The following GPHN variants were observed in gnomAD, a reference collection of about 807,000 sequenced individuals.
GPHN encodes the protein gephyrin.
A neutral mutation model predicts 95.5 loss-of-function variants in GPHN; 17 were observed. The observed-to-expected ratio is 0.18, with a 90% CI of 0.12 to 0.27. GPHN has a LOEUF of 0.27. Ranked by LOEUF, GPHN falls within the 10% of genes least tolerant of loss-of-function variation. The pLI is 1.00. For synonymous variants in GPHN, 320 were observed against 322.5 expected, an observed-to-expected ratio of 0.99 and a Z score of 0.08; for missense variants, 660 against 978.1, an observed-to-expected ratio of 0.67 and a Z score of 4.34.
chr14:67,380,969 T>C, the GPHN span, among the ~76,000 whole-genome samples: 1,627 of 152,292 alleles, frequency 0.011, 25 homozygotes, highest in African/African-American at 0.036. Flanking sequence ...AACAGTCTTG[T>C]GAGTTCAGCT....
At chr14:67,199,792 A>C in the GPHN span, 1 of 1,520,402 alleles carries the variant, frequency 6.6e-7, no homozygotes, top group South Asian at 1.3e-5. Flanking sequence ...GCTCCTTCCC[A>C]CCCCCAGTGC....
chr14:67,697,540 T>G, the GPHN span, among the ~76,000 whole-genome samples: 6 of 152,162 alleles, frequency 3.9e-5, no homozygotes, highest in Non-Finnish European at 8.8e-5. Context: ...ATGATTTATA[T>G]ATATATATTA....
At chr14:67,549,388 A>T in the GPHN span, among the ~76,000 whole-genome samples, 3 of 151,768 alleles carry the variant, frequency 2.0e-5, no homozygotes, top group Non-Finnish European at 4.4e-5. Context: ...CTCCTGCCTC[A>T]GCCTCCCGAG....
the GPHN span, among the ~76,000 whole-genome samples, chr14:67,623,960 C>A: frequency 6.6e-6 from 1 of 152,174 alleles, no homozygotes; most frequent in Non-Finnish European, 1.5e-5. Flanking sequence ...CCCACTTTAG[C>A]CTCTTGAGTA....
At chr14:66,679,621 C>G (rs1275765746) in intron 1 of GPHN, among the ~76,000 whole-genome samples, 1 of 152,076 alleles carries the variant, frequency 6.6e-6, no homozygotes, top group Non-Finnish European at 1.5e-5. Context: ...ATGCTCTGTT[C>G]ATTTCATTTC....
intron 3 of GPHN, among the ~76,000 whole-genome samples, chr14:66,806,512 AACTTTTAC>A (rs1379571754): frequency 2.6e-5 from 4 of 152,154 alleles, no homozygotes; most frequent in African/African-American, 7.2e-5. Flanking sequence ...AAATTTTCCA[AACTTTTAC>A]ACTCTGCTTC....
intron 1 of GPHN, among the ~76,000 whole-genome samples, chr14:66,586,749 C>T (rs986915456): frequency 5.9e-5 from 9 of 151,598 alleles, no homozygotes; most frequent in East Asian, 5.8e-4. Context: ...GTTTCTGCAA[C>T]GAAAGCATTT....
At chr14:67,037,130 C>CGT (rs1049362336) in intron 10 of GPHN, among the ~76,000 whole-genome samples, 123 of 152,064 alleles carry the variant, frequency 8.1e-4, no homozygotes, top group Admixed American at 1.3e-3. Context: ...AATACATGTT[C>CGT]GTGTATATGG....
the GPHN span, chr14:67,621,008 T>G: frequency 3.8e-6 from 6 of 1,576,222 alleles, no homozygotes; most frequent in East Asian, 1.3e-4. Flanking sequence ...GGACTAGTAA[T>G]AGACCACTTC....
chr14:66,864,499 G>A (rs964844739), intron 4 of GPHN, among the ~76,000 whole-genome samples: 1 of 152,024 alleles, frequency 6.6e-6, no homozygotes, highest in Non-Finnish European at 1.5e-5. Flanking sequence ...AAGGCCAGGT[G>A]CGGTGGCTCA....
At chr14:66,664,491 A>G (rs1227516413) in intron 1 of GPHN, among the ~76,000 whole-genome samples, 4 of 152,116 alleles carry the variant, frequency 2.6e-5, no homozygotes, top group Non-Finnish European at 4.4e-5. Context: ...TAGTGTTAAG[A>G]AGGAAATCTA....
chr14:67,346,722 G>A, the GPHN span, among the ~76,000 whole-genome samples: 2 of 152,228 alleles, frequency 1.3e-5, no homozygotes, highest in Non-Finnish European at 2.9e-5. Flanking sequence ...GTGGAAGTGG[G>A]CTATAAAAAT....
chr14:66,591,690 T>C (rs1459004207), intron 1 of GPHN, among the ~76,000 whole-genome samples: 2 of 152,212 alleles, frequency 1.3e-5, no homozygotes, highest in Non-Finnish European at 2.9e-5. Context: ...TCCAAGCTCA[T>C]GGATAAGAAG....
intron 8 of GPHN, among the ~76,000 whole-genome samples, chr14:66,929,744 C>A (rs913874005): frequency 2.0e-5 from 3 of 150,476 alleles, no homozygotes; most frequent in African/African-American, 7.3e-5. Flanking sequence ...TGGAGTGTCA[C>A]TCTTTCGCCC....
intron 2 of GPHN, 123 bp downstream of exon 2, chr14:66,681,308 C>A (rs74749398): frequency 1.5e-6 from 1 of 671,180 alleles, no homozygotes. Flanking sequence ...TCTAATAATG[C>A]GTTTTACACA....
the GPHN span, among the ~76,000 whole-genome samples, chr14:67,731,589 T>G: frequency 2.0e-5 from 3 of 152,002 alleles, no homozygotes; most frequent in African/African-American, 7.2e-5. Flanking sequence ...AAATATGTAA[T>G]AAAATATACA....
At chr14:67,306,533 GTGTT>G in the GPHN span, among the ~76,000 whole-genome samples, 2 of 142,166 alleles carry the variant, frequency 1.4e-5, no homozygotes, top group African/African-American at 5.5e-5. Context: ...GTGTGTGTGT[GTGTT>G]TGTGTATTTT....
chr14:66,633,945 T>C (rs1172546149), intron 1 of GPHN, among the ~76,000 whole-genome samples: 3 of 151,500 alleles, frequency 2.0e-5, no homozygotes, highest in African/African-American at 7.3e-5. Flanking sequence ...CTGGGTTTTC[T>C]TTCTGTTTTT....
chr14:67,533,103 T>A, the GPHN span, among the ~76,000 whole-genome samples: 1 of 152,104 alleles, frequency 6.6e-6, no homozygotes, highest in Non-Finnish European at 1.5e-5. Flanking sequence ...CCTGGAGAGC[T>A]GAGCCCAGCG....
Sources: gnomAD v4.1 joint callset for allele counts (sites outside exome capture counted in the v4.1 genomes callset) on GRCh38, gnomAD v4.1.1 for gene constraint, MANE v1.5 for transcripts, NCBI Gene and HGNC (gene_info 2026-07-23, HGNC 2026-07-21) for gene names.